Variants in STEAP1B observed in about 807,000 individuals in gnomAD.
STEAP1B encodes STEAP family protein MGC87042.
Under a neutral mutation model 27.9 loss-of-function variants are expected in STEAP1B, and 13 were observed. That is an observed-to-expected ratio of 0.47 (90% CI 0.30 to 0.74). The LOEUF (loss-of-function observed/expected upper bound fraction) is 0.74, where lower values mean the gene tolerates loss of function less well. STEAP1B is among the 30% of genes least tolerant of loss of function. The probability of loss-of-function intolerance (pLI) is 0.06; values close to 1 mark genes in which losing one functional copy is unlikely to be tolerated. For missense variants in STEAP1B, 250 were observed against 298.7 expected (o/e 0.84, Z 1.20); for synonymous variants, 86 against 107.1 (o/e 0.80, Z 1.22).
chr7:22,491,554 G>A (rs1786321774), intron 4 of STEAP1B, among the ~76,000 whole-genome samples: 1 of 152,156 alleles, frequency 6.6e-6, no homozygotes. Context: ...TTTGAAGAAT[G>A]GGTAGACTTT....
chr7:22,498,283 C>G (rs1786476543), intron 1 of STEAP1B, among the ~76,000 whole-genome samples: 1 of 152,020 alleles, frequency 6.6e-6, no homozygotes, highest in Non-Finnish European at 1.5e-5. Flanking sequence ...TCCCATGGTC[C>G]GATCACCTCC....
chr7:22,480,025 C>A (rs1786041607), intron 4 of STEAP1B, among the ~76,000 whole-genome samples: 1 of 152,176 alleles, frequency 6.6e-6, no homozygotes. Flanking sequence ...CTAGTGTCAA[C>A]CCTGCTGGGC....
intron 4 of STEAP1B, among the ~76,000 whole-genome samples, chr7:22,471,893 CAAAAAAAAAAAAA>C (rs59453902): frequency 3.3e-4 from 20 of 60,194 alleles, no homozygotes; most frequent in African/African-American, 9.5e-4. Context: ...AACCTGTCTC[CAAAAAAAAAAAAA>C]AAAAAAAAAA....
chr7:22,431,412 AAG>A (rs1158304801), intron 4 of STEAP1B, among the ~76,000 whole-genome samples: 2 of 152,204 alleles, frequency 1.3e-5, no homozygotes, highest in African/African-American at 2.4e-5. Flanking sequence ...AGTCTCTGGA[AAG>A]AGTTTCTCTT....
At chr7:22,424,309 T>C (rs1785080051) in intron 4 of STEAP1B, among the ~76,000 whole-genome samples, 1 of 152,266 alleles carries the variant, frequency 6.6e-6, no homozygotes, top group South Asian at 2.1e-4. Context: ...TAGAAATCTA[T>C]AATAAAAACA....
intron 4 of STEAP1B, among the ~76,000 whole-genome samples, chr7:22,475,735 G>T (rs1305784393): frequency 6.6e-6 from 1 of 152,226 alleles, no homozygotes; most frequent in Admixed American, 6.5e-5. Context: ...CCAACCCAGA[G>T]ATTTATTCCT....
intron 1 of STEAP1B, among the ~76,000 whole-genome samples, chr7:22,498,811 C>A (rs1428819758): frequency 6.7e-6 from 1 of 148,722 alleles, no homozygotes; most frequent in Non-Finnish European, 1.5e-5. Flanking sequence ...ATTGCCACTA[C>A]AAAGAGTCTG....
chr7:22,488,976 G>A (rs1786270209), intron 4 of STEAP1B, among the ~76,000 whole-genome samples: 1 of 152,238 alleles, frequency 6.6e-6, no homozygotes, highest in Non-Finnish European at 1.5e-5. Flanking sequence ...AAGACCGGAT[G>A]CAGTACCCTT....
intron 4 of STEAP1B, among the ~76,000 whole-genome samples, chr7:22,462,324 G>A (rs1785692470): frequency 6.9e-6 from 1 of 145,840 alleles, no homozygotes; most frequent in African/African-American, 2.6e-5. Flanking sequence ...CTGGTGTGCT[G>A]CACCCACTAA....
At chr7:22,467,897 C>T (rs1785814618) in intron 4 of STEAP1B, among the ~76,000 whole-genome samples, 1 of 152,192 alleles carries the variant, frequency 6.6e-6, no homozygotes, top group Non-Finnish European at 1.5e-5. Flanking sequence ...ACATCTTCTT[C>T]ATGGATATTT....
chr7:22,458,727 A>G (rs1785629975), intron 4 of STEAP1B, among the ~76,000 whole-genome samples: 1 of 152,206 alleles, frequency 6.6e-6, no homozygotes, highest in Non-Finnish European at 1.5e-5. Context: ...TCTAGGCTGT[A>G]AAGTGCACAG....
chr7:22,490,497 CA>C, intron 4 of STEAP1B, among the ~76,000 whole-genome samples: 1 of 152,048 alleles, frequency 6.6e-6, no homozygotes, highest in East Asian at 1.9e-4. Context: ...TTTCCAAACT[CA>C]AAAAAACTCT....
intron 4 of STEAP1B, among the ~76,000 whole-genome samples, chr7:22,441,312 A>T (rs1319420303): frequency 1.3e-5 from 2 of 152,128 alleles, no homozygotes; most frequent in Middle Eastern, 3.2e-3. Context: ...ACCCTATTGG[A>T]CTTCCTTGAG....
intron 4 of STEAP1B, among the ~76,000 whole-genome samples, chr7:22,451,396 T>C (rs959832982): frequency 6.6e-6 from 1 of 152,186 alleles, no homozygotes; most frequent in Non-Finnish European, 1.5e-5. Flanking sequence ...TTGGATGCCC[T>C]TTCTTTATCC....
chr7:22,492,328 A>T, intron 4 of STEAP1B: 1 of 225,000 alleles, frequency 4.4e-6, no homozygotes, highest in Non-Finnish European at 6.9e-6. Context: ...CCAAAAAAAA[A>T]AAAAAAAAAA....
At chr7:22,462,144 TG>T (rs1314621482) in intron 4 of STEAP1B, among the ~76,000 whole-genome samples, 2 of 152,172 alleles carry the variant, frequency 1.3e-5, no homozygotes, top group Non-Finnish European at 2.9e-5. Flanking sequence ...TGAGTTTTGA[TG>T]GGTTTTTACT....
intron 4 of STEAP1B, among the ~76,000 whole-genome samples, chr7:22,490,461 G>A (rs574041484): frequency 1.9e-4 from 29 of 152,134 alleles, no homozygotes; most frequent in Middle Eastern, 6.8e-3. Flanking sequence ...GGTTAGATCC[G>A]TTTCCTTTTG....
intron 4 of STEAP1B, among the ~76,000 whole-genome samples, chr7:22,458,193 G>A (rs994578840): frequency 6.6e-6 from 1 of 152,166 alleles, no homozygotes; most frequent in Non-Finnish European, 1.5e-5. Flanking sequence ...CACAGTGCTG[G>A]GTGCCAAAAT....
At chr7:22,454,842 T>TAA (rs1785548243) in intron 4 of STEAP1B, among the ~76,000 whole-genome samples, 2 of 37,060 alleles carry the variant, frequency 5.4e-5, no homozygotes, top group East Asian at 2.2e-3. Context: ...TATATATATA[T>TAA]ATATATGTAT....
Sources: allele counts gnomAD v4.1 joint callset (sites outside exome capture counted in the v4.1 genomes callset), GRCh38; gene constraint gnomAD v4.1.1; transcripts MANE v1.5; gene names NCBI Gene and HGNC (gene_info 2026-07-23, HGNC 2026-07-21).